UBN2: variants seen among roughly 807,000 people sequenced by gnomAD.
UBN2 encodes ubinuclein-2.
In UBN2, 35 loss-of-function variants were observed where a neutral mutation model predicts 120.2. The observed-to-expected ratio is 0.29, with a 90% CI of 0.22 to 0.39. UBN2 has a LOEUF of 0.39. UBN2 is among the 10% of genes least tolerant of loss of function. The pLI is 1.00. For synonymous variants in UBN2, 661 were observed against 648.7 expected, an observed-to-expected ratio of 1.02 and a Z score of -0.29; for missense variants, 1,693 against 1,663.2, an observed-to-expected ratio of 1.02 and a Z score of -0.31.
chr7:139,265,678 A>G (rs1398410352), intron 6 of UBN2, among the ~76,000 whole-genome samples: 3 of 152,052 alleles, frequency 2.0e-5, no homozygotes, highest in Admixed American at 6.6e-5. Flanking sequence ...TAGAAGAGGG[A>G]GGCAGAAGGA....
intron 2 of UBN2, among the ~76,000 whole-genome samples, chr7:139,243,407 T>C (rs1707278450): frequency 6.6e-6 from 1 of 152,216 alleles, no homozygotes; most frequent in Admixed American, 6.5e-5. Context: ...AAGTAAGACT[T>C]TGATTCTGTT....
At chr7:139,254,021 C>T (rs1008620213) in intron 3 of UBN2, among the ~76,000 whole-genome samples, 2 of 152,114 alleles carry the variant, frequency 1.3e-5, no homozygotes, top group Non-Finnish European at 1.5e-5. Flanking sequence ...CGGCCGGGTG[C>T]GGTGGCTCAC....
chr7:139,257,499 C>G (rs1343373676), intron 3 of UBN2, among the ~76,000 whole-genome samples: 1 of 152,166 alleles, frequency 6.6e-6, no homozygotes, highest in Non-Finnish European at 1.5e-5. Context: ...CCCTCCACCT[C>G]CCAGGTTCAA....
chr7:139,266,321 T>G lies in UBN2; in HGVS notation c.1396-12T>G, dbSNP rs892822061. 53 of 1,553,112 alleles carry G rather than the reference T, an allele frequency of 3.4e-5. No individual in the cohort carries two copies. The highest frequency in any genetic ancestry group is 4.2e-5 in the Non-Finnish European group (48 of 1,132,932). On this transcript the variant is annotated splice_polypyrimidine_tract_variant and intron_variant, in intron 6 of 17. Coordinates refer to ENST00000473989, the MANE Select transcript of UBN2 (RefSeq NM_173569.4). ...CTATTTTGATTTATTATCATCTTTC[T>G]TGTTTCTTTAGGCTGCCAAACTTTT...
chr7:139,235,470 A>G (rs1173051223), intron 1 of UBN2, among the ~76,000 whole-genome samples: 6 of 152,110 alleles, frequency 3.9e-5, no homozygotes, highest in Non-Finnish European at 7.4e-5. Flanking sequence ...CAATCTCAGC[A>G]TCTCAGCTCA....
chr7:139,274,157 G>GTATGT, intron 11 of UBN2, 83 bp downstream of exon 11: 2 of 1,352,174 alleles, frequency 1.5e-6, no homozygotes, highest in Non-Finnish European at 2.0e-6. Flanking sequence ...ACACATATGT[G>GTATGT]ACATTGATTT....
downstream of UBN2, among the ~76,000 whole-genome samples, chr7:139,309,453 A>C (rs2131101710): frequency 6.6e-6 from 1 of 152,350 alleles, no homozygotes. Context: ...GATTTTTGCC[A>C]AAACGAGAAA....
Position 139,231,535 on chromosome 7 carries a change from G to C in UBN2, c.51G>C (p.Arg17=). 1.4e-6 allele frequency: 2 copies of C among 1,423,190 alleles called. No homozygotes were observed. The highest frequency in any genetic ancestry group is 6.1e-5 in the East Asian group (2 of 32,990). 88.2% of individuals were successfully genotyped at this position (1,423,190 alleles called of 1,614,324 possible). A position where few individuals can be genotyped will look rare whatever the true frequency, so the allele number is the denominator to read the frequency against. ...TCATTAGCTTGTCACCGGTGCGGCGGCGCGAGGCCGAGTACCCGGGGCCCG... is the reference window on the plus strand; with the variant it reads ...TCATTAGCTTGTCACCGGTGCGGCGCCGCGAGGCCGAGTACCCGGGGCCCG... ...VAFISLSPVR[R]REAEYPGPER... Residue 17 remains arginine (R), a synonymous_variant, in exon 1 of 18, where the codon CGG becomes CGC. Transcript: ENST00000473989.
Position 139,297,816 on chromosome 7 carries a change from T to G in UBN2, c.4024T>G (p.Leu1342Val). 6.2e-7 allele frequency: 1 copy of G among 1,614,120 alleles called. No homozygotes were observed. Among genetic ancestry groups the G allele is most frequent in the Non-Finnish European group, 8.5e-7 (1 of 1,180,010 alleles). ...DGGQSKGDTK[L>V]PRKSQ ...AGGCCAAAGTAAAGGGGACACTAAA[T>G]TACCACGGAAATCTCAGTGACTGCC... Residue 1342 changes from leucine to valine, a missense_variant, in exon 18 of 18, where the codon TTA (leucine) becomes GTA (valine). By Grantham distance (32) the Leu-to-Val change is conservative. This residue lies in a region of UBN2 where 837 missense variants were observed against 817.6 expected (regional missense o/e 1.02). Transcript: ENST00000473989.
intron 15 of UBN2, among the ~76,000 whole-genome samples, chr7:139,291,187 C>T (rs1263353440): frequency 6.6e-6 from 1 of 151,396 alleles, no homozygotes; most frequent in African/African-American, 2.4e-5. Flanking sequence ...ATGGTGAAAC[C>T]CCGTCTCTAC....
Position 139,258,621 on chromosome 7 carries a change from C to T in UBN2, c.797C>T (p.Pro266Leu). ...DITDNQKHKP[P>L]KVPKIKEDDI... The stretch of plus-strand genomic sequence containing the variant: ...ACAGACAACCAAAAGCACAAGCCAC[C>T]CAAGGTGAGTTTATCAAACATTGCA... Residue 266 changes from proline (P) to leucine (L), a missense_variant, in exon 4 of 18, where the codon CCC becomes CTC. Around this residue, in one of 5 missense-constraint regions of UBN2, gnomAD observed 663 missense variants for 591.2 expected, o/e 1.12. Coordinates refer to ENST00000473989, the MANE Select transcript of UBN2 (RefSeq NM_173569.4). 6.3e-7 allele frequency: 1 copy of T among 1,590,596 alleles called. No individual in the cohort carries two copies. The highest frequency in any genetic ancestry group is 1.7e-4 in the Middle Eastern group (1 of 5,980).
rs1287945885 is a variant in UBN2, at chr7:139,302,003, G to A, written c.*4167G>A. 6.6e-6 allele frequency: 1 copy of A among 152,134 alleles called. No individual in the cohort carries two copies. Among genetic ancestry groups the A allele is most frequent in the African/African-American group, 2.4e-5 (1 of 41,426 alleles). The allele number at this position is 152,134 out of a possible 1,614,324, so 9.4% of individuals were successfully genotyped here. A position where few individuals can be genotyped will look rare whatever the true frequency, so the allele number is the denominator to read the frequency against. On this transcript the variant is annotated 3_prime_UTR_variant, in exon 18 of 18. Transcript: ENST00000473989. Reference sequence around the variant, plus strand: ...TTTAAGGGGAAAAGTTTAACTCTTTGTAAATCATTTCTTAGCTCTGGTAAA... The same window carrying A: ...TTTAAGGGGAAAAGTTTAACTCTTTATAAATCATTTCTTAGCTCTGGTAAA...
At chr7:139,309,459 A>G (rs1798418766), downstream of UBN2, among the ~76,000 whole-genome samples, 1 of 152,242 alleles carries the variant, frequency 6.6e-6, no homozygotes, top group African/African-American at 2.4e-5. Flanking sequence ...TGCCAAAACG[A>G]GAAAACCCTG....
intron 1 of UBN2, among the ~76,000 whole-genome samples, chr7:139,232,403 C>T (rs1039871943): frequency 6.6e-6 from 1 of 152,224 alleles, no homozygotes; most frequent in African/African-American, 2.4e-5. Context: ...TAACCCCTCT[C>T]GTATCATCCT....
At chr7:139,321,681 G>A in the UBN2 span, among the ~76,000 whole-genome samples, 1 of 152,108 alleles carries the variant, frequency 6.6e-6, no homozygotes, top group East Asian at 1.9e-4. Flanking sequence ...AGGTGGCCTG[G>A]GGGTGGAGAC....
At chr7:139,259,391 G>A (rs770267889) in intron 5 of UBN2, 21 bp downstream of exon 5, 1 of 1,611,252 alleles carries the variant, frequency 6.2e-7, no homozygotes, top group Non-Finnish European at 8.5e-7. Context: ...TTAAACCTAA[G>A]AAGGGAACTG....
chr7:139,320,807 G>C, the UBN2 span, among the ~76,000 whole-genome samples: 1 of 148,924 alleles, frequency 6.7e-6, no homozygotes, highest in Non-Finnish European at 1.5e-5. Context: ...AGTGAGCCAA[G>C]ATCATGCCAC....
At chr7:139,289,071 T>C (rs1373938866) in intron 15 of UBN2, among the ~76,000 whole-genome samples, 1 of 151,692 alleles carries the variant, frequency 6.6e-6, no homozygotes, top group Admixed American at 6.6e-5. Flanking sequence ...TTTTTTCCCC[T>C]GGGAATAAAA....
the UBN2 span, among the ~76,000 whole-genome samples, chr7:139,323,978 T>A: frequency 6.6e-6 from 1 of 152,156 alleles, no homozygotes; most frequent in African/African-American, 2.4e-5. Flanking sequence ...AGGGGTTTCC[T>A]GCATTTTTCT....
Sources: allele counts gnomAD v4.1 joint callset (sites outside exome capture counted in the v4.1 genomes callset), GRCh38; gene constraint gnomAD v4.1.1; regional missense constraint gnomAD v4.1.1; transcripts MANE v1.5; gene names NCBI Gene and HGNC (gene_info 2026-07-23, HGNC 2026-07-21).